Variants in ZSWIM2 observed in about 807,000 individuals in gnomAD.
ZSWIM2 encodes E3 ubiquitin-protein ligase ZSWIM2.
Under a neutral mutation model 48.4 loss-of-function variants are expected in ZSWIM2, and 38 were observed. The ratio of observed to expected loss-of-function variants is 0.79; its 90% CI spans 0.61 to 1.03. ZSWIM2 has a LOEUF of 1.03. Among genes scored for constraint, ZSWIM2 ranks in the 50% least tolerant of loss-of-function variants. The pLI is 0.00. For synonymous variants in ZSWIM2, 240 were observed against 251.3 expected, an observed-to-expected ratio of 0.96 and a Z score of 0.42; for missense variants, 776 against 730.2, an observed-to-expected ratio of 1.06 and a Z score of -0.72.
Position 186,828,094 on chromosome 2 carries a change from T to C in ZSWIM2, c.1792A>G (p.Met598Val), listed in dbSNP as rs1429354497. 2 of 1,613,520 alleles carry C rather than the reference T, an allele frequency of 1.2e-6. No individual in the cohort carries two copies. The highest frequency in any genetic ancestry group is 1.7e-5 in the Admixed American group (1 of 59,912). Residue 598 changes from methionine (M) to valine (V), a missense_variant, in exon 9 of 9, where the codon ATG (methionine) becomes GTG (valine). By Grantham distance (21) the Met-to-Val change is conservative. Transcript: ENST00000295131. ...CTACATTTTCGTGTAATTTCCCCCA[T>C]ACAGTTACTATACCTTTTAGACAAA... ...LSLSKRYSNC[M>V]GEITRKCSHL...
chr2:186,831,843 G>A (rs1456374233), intron 7 of ZSWIM2, among the ~76,000 whole-genome samples: 3 of 152,028 alleles, frequency 2.0e-5, no homozygotes, highest in Non-Finnish European at 4.4e-5. Context: ...CATGGACACA[G>A]GAAGGGGAAC....
chr2:186,844,242 A>G (rs934677498), intron 3 of ZSWIM2, among the ~76,000 whole-genome samples: 1 of 151,636 alleles, frequency 6.6e-6, no homozygotes, highest in Non-Finnish European at 1.5e-5. Context: ...TCCAAACTCA[A>G]TTTAAGTACT....
At chr2:186,847,922 A>C (rs1284726256) in intron 1 of ZSWIM2, 127 bp from the exon 2 acceptor site, 13 of 541,124 alleles carry the variant, frequency 2.4e-5, no homozygotes, top group Non-Finnish European at 6.5e-6. Flanking sequence ...AATAGATTCT[A>C]CTGGAGAATC....
chr2:186,847,735 A>G lies in ZSWIM2; in HGVS notation c.226T>C (p.Cys76Arg). The G allele has an allele frequency of 1.2e-6, 2 of 1,604,800 alleles. No individual in the cohort carries two copies. The highest frequency in any genetic ancestry group is 1.7e-6 in the Non-Finnish European group (2 of 1,175,074). The change falls in exon 2 of 9, where the codon TGT (cysteine) becomes CGT (arginine). Residue 76 changes from cysteine to arginine, a missense_variant. Cys to Arg is a radical substitution (Grantham distance 180). Transcript: ENST00000295131. ...GTCACTTACCAGCAGATATGCTTAC[A>G]AAGTTCCCCTCCTTTCGGAAATGTG... is the stretch of plus-strand genomic sequence containing the variant. Reference protein sequence around the residue: ...CSTFPKGGELCKHICWVLLKK... With the variant: ...CSTFPKGGELRKHICWVLLKK...
intron 8 of ZSWIM2, among the ~76,000 whole-genome samples, chr2:186,829,358 A>C (rs566929762): frequency 1.3e-5 from 2 of 152,162 alleles, no homozygotes; most frequent in Non-Finnish European, 2.9e-5. Flanking sequence ...TGAAATAATA[A>C]TTATGTCAAC....
Position 186,849,142 on chromosome 2 carries a change from G to A in ZSWIM2, c.-12C>T, listed in dbSNP as rs1442003874. The stretch of plus-strand genomic sequence containing the variant: ...CCTCGGCGAAGCATGCTGGGTGCGG[G>A]CGGAGGCGGCCCCTCTGCTCGGCTC... On this transcript the variant is annotated 5_prime_UTR_variant, in exon 1 of 9. Transcript: ENST00000295131. 3 of 1,601,980 alleles carry A rather than the reference G, an allele frequency of 1.9e-6. No homozygotes were observed. Among genetic ancestry groups the A allele is most frequent in the African/African-American group, 2.7e-5 (2 of 74,722 alleles).
At chr2:186,843,410 T>G (rs1418365513) in intron 3 of ZSWIM2, among the ~76,000 whole-genome samples, 2 of 151,586 alleles carry the variant, frequency 1.3e-5, no homozygotes, top group Non-Finnish European at 3.0e-5. Context: ...AGTGCAAAGT[T>G]CAGGCATTGG....
Position 186,848,707 on chromosome 2 carries a change from A to G in ZSWIM2, c.165+259T>C, listed in dbSNP as rs1692047583. ...ATACGCCTCTGACATTTTCAAGCCT[A>G]AAGATCAAGAGCCATCATCTTTTAC... On this transcript the variant is annotated intron_variant, in intron 1 of 8. Coordinates refer to ENST00000295131, the MANE Select transcript of ZSWIM2 (RefSeq NM_182521.3). 4 of 398,434 alleles carry G rather than the reference A, an allele frequency of 1.0e-5. No individual in the cohort carries two copies. In the South Asian group the frequency reaches 1.0e-4, roughly 10 times the overall value. The allele number at this position is 398,434 out of a possible 1,614,324, so 24.7% of individuals were successfully genotyped here. A position where few individuals can be genotyped will look rare whatever the true frequency, so the allele number is the denominator to read the frequency against.
In ZSWIM2 at chr2:186,827,907, CT is replaced by C; in HGVS notation, c.*76del. Reference sequence around the variant, plus strand: ...AGAATTTTATATACATTTGTCAAGACTATGTGTGCTTTTTATGTTCTATATA... The same window carrying C: ...AGAATTTTATATACATTTGTCAAGACATGTGTGCTTTTTATGTTCTATATA... On this transcript the variant is annotated 3_prime_UTR_variant, in exon 9 of 9. Coordinates refer to ENST00000295131, the MANE Select transcript of ZSWIM2 (RefSeq NM_182521.3). 2.5e-6 allele frequency: 3 copies of C among 1,223,718 alleles called. No homozygotes were observed. The highest frequency in any genetic ancestry group is 3.3e-6 in the Non-Finnish European group (3 of 906,932). The allele number at this position is 1,223,718 out of a possible 1,614,324, so 75.8% of individuals were successfully genotyped here.
At chr2:186,848,565 T>C (rs1692045487) in intron 1 of ZSWIM2, 2 of 160,016 alleles carry the variant, frequency 1.2e-5, no homozygotes, top group African/African-American at 4.8e-5. Flanking sequence ...TATTTATTTA[T>C]TTAGAAAATA....
At position 186,831,883 on chromosome 2, in the gene ZSWIM2, G is replaced by C. The variant is rs1691705941; in HGVS notation, c.941+1237C>G. Among the ~76,000 whole-genome samples, 4 of 152,116 alleles carry C rather than the reference G, an allele frequency of 2.6e-5. No homozygotes were observed. In the South Asian group the frequency reaches 8.3e-4, roughly 32 times the overall value. ...CACACCGAGGACTGTTGTGGGGTGG[G>C]GGAGGGGGAAGGGATAGCATTAGGA... On this transcript the variant is annotated intron_variant, in intron 7 of 8. Coordinates refer to ENST00000295131, the MANE Select transcript of ZSWIM2 (RefSeq NM_182521.3).
In ZSWIM2 at chr2:186,828,439, A is replaced by T. The variant is rs1238485710; in HGVS notation, c.1447T>A (p.Leu483Ile). The change falls in exon 9 of 9, where the codon TTA (leucine) becomes ATA (isoleucine). Residue 483 changes from leucine to isoleucine, a missense_variant. Leu to Ile is a conservative substitution (Grantham distance 5, BLOSUM62 2). Transcript: ENST00000295131. ...IKLDNSNSKK[L>I]TYDYKISQHF... ...TGGCTAATTTTATAATCATAGGTTA[A>T]TTTTTTTGAATTTGAATTATCTAAT... The T allele has an allele frequency of 1.2e-6, 2 of 1,612,984 alleles. No homozygotes were observed. Among genetic ancestry groups the T allele is most frequent in the African/African-American group, 1.3e-5 (1 of 74,774 alleles).
chr2:186,837,610 T>TTATA, intron 4 of ZSWIM2, 56 bp from the exon 5 acceptor site: 1 of 751,950 alleles, frequency 1.3e-6, no homozygotes, highest in African/African-American at 2.8e-5. Context: ...TACATATCCA[T>TTATA]TGTATATATA....
At chr2:186,832,027 TA>T (rs59199056) in intron 7 of ZSWIM2, among the ~76,000 whole-genome samples, 1,672 of 151,950 alleles carry the variant, frequency 0.011, 29 homozygotes, top group African/African-American at 0.034. Flanking sequence ...AGTATAATAA[TA>T]AAAAAAAGTT....
intron 7 of ZSWIM2, among the ~76,000 whole-genome samples, chr2:186,830,883 C>A (rs2105815864): frequency 6.6e-6 from 1 of 152,262 alleles, no homozygotes; most frequent in Middle Eastern, 3.4e-3. Flanking sequence ...ATTCAAAAGT[C>A]ATTCAGAACA....
At chr2:186,835,503 TTAA>T (rs57770846) in intron 5 of ZSWIM2, among the ~76,000 whole-genome samples, 27,661 of 152,046 alleles carry the variant, frequency 0.18, 3,812 homozygotes, top group African/African-American at 0.39. Context: ...AGGGAAGATT[TTAA>T]TAATTAACAC....
At chr2:186,844,562 CTTAAGT>C (rs1311623076) in intron 3 of ZSWIM2, among the ~76,000 whole-genome samples, 149 bp downstream of exon 3, 1 of 151,110 alleles carries the variant, frequency 6.6e-6, no homozygotes, top group Non-Finnish European at 1.5e-5. Context: ...TTCCAAGTGT[CTTAAGT>C]TTAAGAAGCT....
chr2:186,844,327 A>G (rs1414641064), intron 3 of ZSWIM2, among the ~76,000 whole-genome samples: 2 of 151,646 alleles, frequency 1.3e-5, no homozygotes, highest in Non-Finnish European at 3.0e-5. Context: ...TGAATAAAAT[A>G]ATGTGCCATG....
chr2:186,827,779 A>C lies in ZSWIM2; in HGVS notation c.*205T>G, dbSNP rs953439496. On this transcript the variant is annotated 3_prime_UTR_variant, in exon 9 of 9. Transcript: ENST00000295131. ...TTATTCATTATTTATAACATCCTGAATATATTCATGAAGACACCTAATGCT... is the reference window on the plus strand; with the variant it reads ...TTATTCATTATTTATAACATCCTGACTATATTCATGAAGACACCTAATGCT... 7.6e-5 allele frequency: 27 copies of C among 355,936 alleles called. No homozygotes were observed. Among genetic ancestry groups the C allele is most frequent in the African/African-American group, 5.3e-4 (25 of 47,564 alleles). 22.0% of individuals were successfully genotyped at this position (355,936 alleles called of 1,614,324 possible). A position where few individuals can be genotyped will look rare whatever the true frequency, so the allele number is the denominator to read the frequency against.
Sources: gnomAD v4.1 joint callset for allele counts (sites outside exome capture counted in the v4.1 genomes callset) on GRCh38, gnomAD v4.1.1 for gene constraint, MANE v1.5 for transcripts, NCBI Gene and HGNC (gene_info 2026-07-23, HGNC 2026-07-21) for gene names.